Variants in LOC128125817 observed in about 807,000 individuals in gnomAD.
chr1:41,604,192 C>T, the LOC128125817 span, among the ~76,000 whole-genome samples: 1 of 152,112 alleles, frequency 6.6e-6, no homozygotes, highest in Non-Finnish European at 1.5e-5. Flanking sequence ...TATAGAAATG[C>T]CTATGTATGT....
At chr1:41,599,108 C>T in the LOC128125817 span, among the ~76,000 whole-genome samples, 8 of 152,166 alleles carry the variant, frequency 5.3e-5, no homozygotes, top group African/African-American at 1.4e-4. Flanking sequence ...TGAGCCACCA[C>T]ACCCAGTCTC....
At chr1:41,598,825 A>ATTTATTTATTTATTTATTTATTTAT in the LOC128125817 span, among the ~76,000 whole-genome samples, 1,996 of 151,426 alleles carry the variant, frequency 0.013, 25 homozygotes, top group East Asian at 0.06. Flanking sequence ...TTATTTATTT[A>ATTTATTTATTTATTTATTTATTTAT]TTTATTTAGG....
At chr1:41,602,860 G>A in the LOC128125817 span, among the ~76,000 whole-genome samples, 2 of 151,902 alleles carry the variant, frequency 1.3e-5, no homozygotes, top group African/African-American at 2.4e-5. Context: ...TTATCACAAC[G>A]AACTCTCTGA....
the LOC128125817 span, among the ~76,000 whole-genome samples, chr1:41,608,718 T>C: frequency 1.3e-5 from 2 of 152,236 alleles, no homozygotes; most frequent in Non-Finnish European, 1.5e-5. Flanking sequence ...TAGGAATGTT[T>C]CCGTCCCACG....
chr1:41,619,422 C>G, the LOC128125817 span, among the ~76,000 whole-genome samples: 1 of 152,174 alleles, frequency 6.6e-6, no homozygotes, highest in African/African-American at 2.4e-5. Flanking sequence ...TTTTTAAGAT[C>G]TCACAAAATA....
the LOC128125817 span, among the ~76,000 whole-genome samples, chr1:41,595,085 C>A: frequency 1.3e-5 from 2 of 152,128 alleles, no homozygotes; most frequent in East Asian, 1.9e-4. Context: ...GGAAAGGGAC[C>A]CAGAATCTAT....
At chr1:41,627,287 T>G in the LOC128125817 span, among the ~76,000 whole-genome samples, 1 of 152,342 alleles carries the variant, frequency 6.6e-6, no homozygotes, top group East Asian at 1.9e-4. Flanking sequence ...AGCCTCATTT[T>G]GCAAGTGAGA....
chr1:41,592,363 T>C, the LOC128125817 span, among the ~76,000 whole-genome samples: 89 of 152,196 alleles, frequency 5.8e-4, no homozygotes, highest in Non-Finnish European at 1.0e-3. Context: ...ATCACTTCCT[T>C]TCTGACAATT....
At chr1:41,589,185 G>T in the LOC128125817 span, among the ~76,000 whole-genome samples, 30 of 152,174 alleles carry the variant, frequency 2.0e-4, no homozygotes, top group African/African-American at 7.0e-4. Flanking sequence ...CAGAGAAATG[G>T]GCCCAGGAGC....
the LOC128125817 span, among the ~76,000 whole-genome samples, chr1:41,586,350 C>T: frequency 6.6e-6 from 1 of 152,194 alleles, no homozygotes; most frequent in African/African-American, 2.4e-5. Context: ...CTCACCCAAC[C>T]ACCTGACTTT....
the LOC128125817 span, among the ~76,000 whole-genome samples, chr1:41,622,787 G>A: frequency 2.0e-5 from 3 of 152,226 alleles, no homozygotes; most frequent in Non-Finnish European, 4.4e-5. Context: ...CCAGGGGAAA[G>A]GGAAGGTGGC....
the LOC128125817 span, among the ~76,000 whole-genome samples, chr1:41,594,913 G>C: frequency 3.0e-4 from 46 of 152,088 alleles, no homozygotes; most frequent in Non-Finnish European, 5.0e-4. Context: ...TGTGTGTAAG[G>C]AGTGAGGTAA....
the LOC128125817 span, among the ~76,000 whole-genome samples, chr1:41,615,105 G>A: frequency 3.9e-5 from 6 of 152,150 alleles, no homozygotes; most frequent in Non-Finnish European, 5.9e-5. Flanking sequence ...TAATGCCATC[G>A]TATTGTATTG....
At chr1:41,619,470 G>T in the LOC128125817 span, among the ~76,000 whole-genome samples, 1 of 152,004 alleles carries the variant, frequency 6.6e-6, no homozygotes, top group African/African-American at 2.4e-5. Context: ...GTGTAGTGAC[G>T]ATATGTTTGT....
At chr1:41,628,149 C>T in the LOC128125817 span, among the ~76,000 whole-genome samples, 9 of 152,208 alleles carry the variant, frequency 5.9e-5, no homozygotes, top group African/African-American at 1.9e-4. Flanking sequence ...ATCACTATTT[C>T]GGGAGCTGGG....
the LOC128125817 span, among the ~76,000 whole-genome samples, chr1:41,622,289 C>T: frequency 6.6e-6 from 1 of 152,040 alleles, no homozygotes; most frequent in Admixed American, 6.5e-5. Context: ...GGTCCTAATG[C>T]CATGGGGAAG....
the LOC128125817 span, among the ~76,000 whole-genome samples, chr1:41,610,705 G>A: frequency 1.3e-5 from 2 of 152,280 alleles, no homozygotes; most frequent in South Asian, 2.1e-4. Context: ...CAGGGAGCCC[G>A]GTTTAATTCA....
At chr1:41,616,887 C>A in the LOC128125817 span, among the ~76,000 whole-genome samples, 1 of 152,194 alleles carries the variant, frequency 6.6e-6, no homozygotes, top group Admixed American at 6.5e-5. Flanking sequence ...GTTATAAGCA[C>A]CTCACATAAT....
the LOC128125817 span, among the ~76,000 whole-genome samples, chr1:41,611,404 G>A: frequency 0.011 from 1,707 of 152,294 alleles, 33 homozygotes; most frequent in African/African-American, 0.04. Flanking sequence ...AAATGCTGAT[G>A]GGGACAGAGC....
Sources: allele counts gnomAD v4.1 joint callset (sites outside exome capture counted in the v4.1 genomes callset), GRCh38; gene constraint gnomAD v4.1.1; transcripts MANE v1.5.